Variants in KCTD6 observed in about 807,000 individuals in gnomAD.
KCTD6 encodes BTB/POZ domain-containing protein KCTD6.
A neutral mutation model predicts 18.7 loss-of-function variants in KCTD6; 6 were observed. That is an observed-to-expected ratio of 0.32 (90% CI 0.18 to 0.63). The LOEUF (loss-of-function observed/expected upper bound fraction) is 0.63, where lower values mean the gene tolerates loss of function less well. Ranked by LOEUF, KCTD6 falls within the 30% of genes least tolerant of loss-of-function variation. The pLI is 0.79. For missense variants in KCTD6, 165 were observed against 300.2 expected (o/e 0.55, Z 3.33); for synonymous variants, 86 against 108.5 (o/e 0.79, Z 1.29).
At chr3:58,499,931 A>C (rs941212236) in intron 2 of KCTD6, among the ~76,000 whole-genome samples, 10 of 152,318 alleles carry the variant, frequency 6.6e-5, no homozygotes, top group Admixed American at 2.0e-4. Flanking sequence ...TGCAGCATTA[A>C]TGTTACAAAA....
intron 1 of KCTD6, chr3:58,494,029 G>A (rs1341775397): frequency 6.6e-6 from 1 of 152,130 alleles, no homozygotes; most frequent in Non-Finnish European, 1.5e-5. Flanking sequence ...GTTTTGGGAA[G>A]GTGGTATTAT....
intron 1 of KCTD6, among the ~76,000 whole-genome samples, chr3:58,494,833 G>A (rs936938096): frequency 6.6e-6 from 1 of 152,108 alleles, no homozygotes; most frequent in African/African-American, 2.4e-5. Flanking sequence ...TTCAGTATGT[G>A]TTTTCTTAAG....
chr3:58,495,422 C>T (rs906268440), intron 1 of KCTD6, among the ~76,000 whole-genome samples: 28 of 152,292 alleles, frequency 1.8e-4, no homozygotes, highest in African/African-American at 6.5e-4. Context: ...TCATCTGCAT[C>T]GTTTCAGAGA....
Position 58,498,361 on chromosome 3 carries a change from T to TA in KCTD6, c.-43-351dup, listed in dbSNP as rs1438099907. 1 of 173,870 alleles carries TA rather than the reference T, an allele frequency of 5.8e-6. No individual in the cohort carries two copies. Among genetic ancestry groups the TA allele is most frequent in the African/African-American group, 2.4e-5 (1 of 41,824 alleles). The allele number at this position is 173,870 out of a possible 1,614,324, so 10.8% of individuals were successfully genotyped here. A position where few individuals can be genotyped will look rare whatever the true frequency, so the allele number is the denominator to read the frequency against. ...GATAAGGTTGTAGAGTTAATCATAA[T>TA]ATTCTCTTATATAAATTCTAAAAAT... is the stretch of plus-strand genomic sequence containing the variant. On this transcript the variant is annotated intron_variant, in intron 1 of 2. Transcript: ENST00000404589. This position sits in a 1 kb window ranked among gnomAD's most constrained non-coding sequence, Gnocchi z 4.6.
At chr3:58,499,893 G>A (rs2063197322) in intron 2 of KCTD6, among the ~76,000 whole-genome samples, 1 of 152,022 alleles carries the variant, frequency 6.6e-6, no homozygotes, top group African/African-American at 2.4e-5. Context: ...TTTAAGAGAA[G>A]CTTGCTTCTC....
rs2063174532 is a variant in KCTD6 at position 58,496,175 on chromosome 3, T to G, written c.-43-2538T>G. ...ATTTTTACAAACCCATTATGACTGT[T>G]TAGTTAGGCTGAGTTACTGTAAAAT... On this transcript the variant is annotated intron_variant, in intron 1 of 2. Coordinates refer to ENST00000404589, the MANE Select transcript of KCTD6 (RefSeq NM_001128214.2). The surrounding 1 kb of genome is among the most constrained non-coding windows in gnomAD (Gnocchi z 5.1). Among the ~76,000 whole-genome samples, 1 of 152,138 alleles carries G rather than the reference T, an allele frequency of 6.6e-6. No individual in the cohort carries two copies. The highest frequency in any genetic ancestry group is 1.5e-5 in the Non-Finnish European group (1 of 68,036).
At position 58,493,721 on chromosome 3, in the gene KCTD6, A is replaced by G. The variant is rs188997626; in HGVS notation, c.-44+1552A>G. ...TCTAAATTACTTGTGTTCACACTCA[A>G]GTTTCTCATGTTAACCTAGAAATTT... is the stretch of plus-strand genomic sequence containing the variant. On this transcript the variant is annotated intron_variant, in intron 1 of 2. Transcript: ENST00000404589. This position sits in a 1 kb window ranked among gnomAD's most constrained non-coding sequence, Gnocchi z 4.5. 2.1e-4 allele frequency among the ~76,000 whole-genome samples: 32 copies of G among 152,322 alleles called. No individual in the cohort carries two copies. The East Asian group carries it at 6.0e-3, about 28-fold the overall frequency.
intron 2 of KCTD6, among the ~76,000 whole-genome samples, chr3:58,499,446 G>A (rs2063194721): frequency 6.6e-6 from 1 of 151,444 alleles, no homozygotes; most frequent in Admixed American, 6.6e-5. Flanking sequence ...TGCATTTTTT[G>A]TGTGTGCATA....
rs908525135 is a variant in KCTD6 at position 58,497,695 on chromosome 3, A to G, written c.-43-1018A>G. On this transcript the variant is annotated intron_variant, in intron 1 of 2. Coordinates refer to ENST00000404589, the MANE Select transcript of KCTD6 (RefSeq NM_001128214.2). The surrounding 1 kb of genome is among the most constrained non-coding windows in gnomAD (Gnocchi z 4.2). ...AGTGCTGGCTGATTGACTCTCATCTATATCGGTAAGGTTCTTTTTGCCCCA... is the reference window on the plus strand; with the variant it reads ...AGTGCTGGCTGATTGACTCTCATCTGTATCGGTAAGGTTCTTTTTGCCCCA... 1 of 152,206 alleles carries G rather than the reference A, an allele frequency of 6.6e-6. No homozygotes were observed. The highest frequency in any genetic ancestry group is 1.5e-5 in the Non-Finnish European group (1 of 68,044). 9.4% of individuals were successfully genotyped at this position (152,206 alleles called of 1,614,324 possible).
rs2063190130 is a variant in KCTD6, at chr3:58,498,550, G to GGAA, written c.-43-162_-43-160dup. 1.7e-6 allele frequency: 1 copy of GGAA among 590,176 alleles called. No individual in the cohort carries two copies. The highest frequency in any genetic ancestry group is 3.0e-6 in the Non-Finnish European group (1 of 337,492). The allele number at this position is 590,176 out of a possible 1,614,324, so 36.6% of individuals were successfully genotyped here. A position where few individuals can be genotyped will look rare whatever the true frequency, so the allele number is the denominator to read the frequency against. ...TACAGGACATGTAGAAGGCCCTAGGGGAATGCTTTCTTCCCCAGATCTTTG... is the reference window on the plus strand; with the variant it reads ...TACAGGACATGTAGAAGGCCCTAGGGGAAGAATGCTTTCTTCCCCAGATCTTTG... On this transcript the variant is annotated intron_variant, in intron 1 of 2. Coordinates refer to ENST00000404589, the MANE Select transcript of KCTD6 (RefSeq NM_001128214.2). The surrounding 1 kb of genome is among the most constrained non-coding windows in gnomAD (Gnocchi z 4.6).
At chr3:58,494,605 T>C (rs943708840) in intron 1 of KCTD6, among the ~76,000 whole-genome samples, 3 of 152,236 alleles carry the variant, frequency 2.0e-5, no homozygotes, top group African/African-American at 7.2e-5. Context: ...GGAGAATTCT[T>C]AATCTATAGC....
intron 1 of KCTD6, chr3:58,494,150 T>G (rs2063166047): frequency 6.6e-6 from 1 of 152,208 alleles, no homozygotes; most frequent in Non-Finnish European, 1.5e-5. Flanking sequence ...TTCTCTCTTC[T>G]AGACCACATG....
In KCTD6 at chr3:58,492,868, A is replaced by T. The variant is rs969552531; in HGVS notation, c.-44+699A>T. On this transcript the variant is annotated intron_variant, in intron 1 of 2. Transcript: ENST00000404589. This position sits in a 1 kb window ranked among gnomAD's most constrained non-coding sequence, Gnocchi z 6.1. Reference sequence around the variant, plus strand: ...GAAACGTGACAGAGATCCTGTTTGGATATTCTGCCGAAGTTACCATGTTTC... The same window carrying T: ...GAAACGTGACAGAGATCCTGTTTGGTTATTCTGCCGAAGTTACCATGTTTC... Among the ~76,000 whole-genome samples the T allele has an allele frequency of 9.9e-5, 15 of 152,130 alleles. No individual in the cohort carries two copies. Among genetic ancestry groups the T allele is most frequent in the Non-Finnish European group, 2.2e-4 (15 of 68,020 alleles).
rs764240888 is a variant in KCTD6 at position 58,501,637 on chromosome 3, C to G, written c.*5C>G. The G allele has an allele frequency of 7.6e-7, 1 of 1,318,810 alleles. No individual in the cohort carries two copies. The allele number at this position is 1,318,810 out of a possible 1,614,324, so 81.7% of individuals were successfully genotyped here. A position where few individuals can be genotyped will look rare whatever the true frequency, so the allele number is the denominator to read the frequency against. ...GCCCGGAAGACAGACGACTGATCTCCGACCCTGCCACAGGTTCCTGGAAAG... is the reference window on the plus strand; with the variant it reads ...GCCCGGAAGACAGACGACTGATCTCGGACCCTGCCACAGGTTCCTGGAAAG... On this transcript the variant is annotated 3_prime_UTR_variant, in exon 3 of 3. Coordinates refer to ENST00000404589, the MANE Select transcript of KCTD6 (RefSeq NM_001128214.2). The surrounding 1 kb of genome is among the most constrained non-coding windows in gnomAD (Gnocchi z 9.7).
At position 58,498,585 on chromosome 3, in the gene KCTD6, A is replaced by G; in HGVS notation, c.-43-128A>G. 2 of 647,682 alleles carry G rather than the reference A, an allele frequency of 3.1e-6. No individual in the cohort carries two copies. Among genetic ancestry groups the G allele is most frequent in the East Asian group, 5.5e-5 (2 of 36,264 alleles). 40.1% of individuals were successfully genotyped at this position (647,682 alleles called of 1,614,324 possible). On this transcript the variant is annotated intron_variant, in intron 1 of 2. Transcript: ENST00000404589. This position sits in a 1 kb window ranked among gnomAD's most constrained non-coding sequence, Gnocchi z 4.6. ...CTTCCCCAGATCTTTGCCCTGTAGT[A>G]GGTTTCAGCTGAGCAAGGACGAGTA... is the stretch of plus-strand genomic sequence containing the variant.
chr3:58,501,745 A>G lies in KCTD6; in HGVS notation c.*113A>G, dbSNP rs2063206188. On this transcript the variant is annotated 3_prime_UTR_variant, in exon 3 of 3. Coordinates refer to ENST00000404589, the MANE Select transcript of KCTD6 (RefSeq NM_001128214.2). The surrounding 1 kb of genome is among the most constrained non-coding windows in gnomAD (Gnocchi z 9.7). ...TTTTTTCTTTTAAATAGTTGTATTT[A>G]TTTGAAGGCAGTGAGGACCAGAAGG... is the stretch of plus-strand genomic sequence containing the variant. 1 of 715,786 alleles carries G rather than the reference A, an allele frequency of 1.4e-6. No homozygotes were observed. Among genetic ancestry groups the G allele is most frequent in the Non-Finnish European group, 2.0e-6 (1 of 503,860 alleles). The allele number at this position is 715,786 out of a possible 1,614,324, so 44.3% of individuals were successfully genotyped here. A position where few individuals can be genotyped will look rare whatever the true frequency, so the allele number is the denominator to read the frequency against.
At chr3:58,500,143 T>C (rs1374079431) in intron 2 of KCTD6, among the ~76,000 whole-genome samples, 2 of 151,754 alleles carry the variant, frequency 1.3e-5, no homozygotes, top group Middle Eastern at 3.2e-3. Flanking sequence ...GGAGACAAAA[T>C]CTCTCTGTGT....
At position 58,501,735 on chromosome 3, in the gene KCTD6, AGTTG is replaced by A; in HGVS notation, c.*104_*107del. ...GTGAGATATTTTTTTTCTTTTAAATAGTTGTATTTATTTGAAGGCAGTGAGGACC... is the reference window on the plus strand; with the variant it reads ...GTGAGATATTTTTTTTCTTTTAAATATATTTATTTGAAGGCAGTGAGGACC... On this transcript the variant is annotated 3_prime_UTR_variant, in exon 3 of 3. Transcript: ENST00000404589. This position sits in a 1 kb window ranked among gnomAD's most constrained non-coding sequence, Gnocchi z 9.7. The A allele has an allele frequency of 1.2e-6, 1 of 817,420 alleles. No homozygotes were observed. Among genetic ancestry groups the A allele is most frequent in the Non-Finnish European group, 1.7e-6 (1 of 595,986 alleles). 50.6% of individuals were successfully genotyped at this position (817,420 alleles called of 1,614,324 possible).
intron 2 of KCTD6, among the ~76,000 whole-genome samples, chr3:58,499,854 A>G (rs1050262887): frequency 6.6e-6 from 1 of 151,700 alleles, no homozygotes; most frequent in Non-Finnish European, 1.5e-5. Flanking sequence ...TTTTTCGTAA[A>G]TAGTATTTCT....
Sources: gnomAD v4.1 joint callset for allele counts (sites outside exome capture counted in the v4.1 genomes callset) on GRCh38, gnomAD v4.1.1 for gene constraint, Gnocchi (gnomAD v3.1) non-coding constraint, MANE v1.5 for transcripts, NCBI Gene and HGNC (gene_info 2026-07-23, HGNC 2026-07-21) for gene names.